Variants in ZFAT observed in about 807,000 individuals in gnomAD.
The protein encoded by ZFAT is zinc finger and AT-hook domain containing, also known as zinc finger protein ZFAT.
Under a neutral mutation model 117.7 loss-of-function variants are expected in ZFAT, and 64 were observed. The observed-to-expected ratio is 0.54, with a 90% CI of 0.44 to 0.67. ZFAT has a LOEUF of 0.67. Ranked by LOEUF, ZFAT falls within the 30% of genes least tolerant of loss-of-function variation. The pLI is 0.00. For synonymous variants in ZFAT, 679 were observed against 615.0 expected (o/e 1.10, Z -1.54); for missense variants, 1,433 against 1,584.5 (o/e 0.90, Z 1.62).
intron 11 of ZFAT, among the ~76,000 whole-genome samples, chr8:134,549,270 T>C (rs1822947188): frequency 6.6e-6 from 1 of 151,610 alleles, no homozygotes; most frequent in South Asian, 2.1e-4. Context: ...TGAAACCCCG[T>C]TTCTACTAAA....
chr8:134,762,775 C>G, the ZFAT span, among the ~76,000 whole-genome samples: 3 of 152,160 alleles, frequency 2.0e-5, no homozygotes, highest in Non-Finnish European at 4.4e-5. Flanking sequence ...CCTTTTTGAA[C>G]CTAACATGTC....
At chr8:134,635,962 G>T (rs866070993) in intron 3 of ZFAT, among the ~76,000 whole-genome samples, 2 of 152,124 alleles carry the variant, frequency 1.3e-5, no homozygotes, top group African/African-American at 4.8e-5. Flanking sequence ...GATCCTCATG[G>T]GTTATTTTCA....
the ZFAT span, among the ~76,000 whole-genome samples, chr8:134,811,378 T>G: frequency 2.0e-5 from 3 of 152,278 alleles, no homozygotes; most frequent in South Asian, 6.2e-4. Flanking sequence ...GGCAACAAAA[T>G]TTGGAATATA....
intron 15 of ZFAT, among the ~76,000 whole-genome samples, chr8:134,495,163 T>C (rs1315048025): frequency 2.0e-5 from 3 of 152,150 alleles, no homozygotes; most frequent in Non-Finnish European, 2.9e-5. Context: ...GCAGCACAGG[T>C]TGAGTGACTT....
intron 8 of ZFAT, among the ~76,000 whole-genome samples, chr8:134,589,966 C>T (rs893981085): frequency 6.6e-6 from 1 of 152,210 alleles, no homozygotes; most frequent in African/African-American, 2.4e-5. Flanking sequence ...CTTATGACAA[C>T]AGCCCTGCCT....
chr8:134,789,561 C>A, the ZFAT span, among the ~76,000 whole-genome samples: 1 of 152,134 alleles, frequency 6.6e-6, no homozygotes, highest in African/African-American at 2.4e-5. Flanking sequence ...TTGTTTCTTG[C>A]CCATTCTTCC....
At chr8:134,517,596 T>C (rs140286308) in intron 13 of ZFAT, among the ~76,000 whole-genome samples, 187 of 152,332 alleles carry the variant, frequency 1.2e-3, no homozygotes, top group African/African-American at 4.3e-3. Flanking sequence ...TATTACTAAT[T>C]AAACAATAGG....
the ZFAT span, among the ~76,000 whole-genome samples, chr8:134,753,163 T>C: frequency 6.6e-6 from 1 of 152,050 alleles, no homozygotes; most frequent in South Asian, 2.1e-4. Context: ...ATCGCACCAC[T>C]GCACTCCAAC....
chr8:134,808,496 C>T, the ZFAT span, among the ~76,000 whole-genome samples: 3 of 152,190 alleles, frequency 2.0e-5, no homozygotes, highest in East Asian at 5.8e-4. Flanking sequence ...CTAGGAACAA[C>T]CAAGTACCTG....
chr8:134,740,935 T>C, the ZFAT span, among the ~76,000 whole-genome samples: 1 of 152,202 alleles, frequency 6.6e-6, no homozygotes, highest in South Asian at 2.1e-4. Context: ...TTTGAATATG[T>C]TTTTGAGAGC....
At chr8:134,629,706 T>C (rs1174461440) in intron 3 of ZFAT, among the ~76,000 whole-genome samples, 3 of 152,222 alleles carry the variant, frequency 2.0e-5, no homozygotes, top group Admixed American at 2.0e-4. Flanking sequence ...CCCCTTCAAC[T>C]TCTGCAATGA....
At position 134,520,925 on chromosome 8, in the gene ZFAT, A is replaced by G. The variant is rs748995436; in HGVS notation, c.3192T>C (p.His1064=). The change falls in exon 13 of 16, where the codon CAT becomes CAC. Residue 1064 remains histidine (H), a synonymous_variant. Coordinates refer to ENST00000377838, the MANE Select transcript of ZFAT (RefSeq NM_020863.4). The part of the protein sequence containing the change: ...WEFNRHLKNK[H]GLKVVEIDGD... ...CATCAATTTCCACCACCTTCAAGCC[A>G]TGTTTGTTCTTCAAGTGCCTATTGA... is the stretch of plus-strand genomic sequence containing the variant. 6.2e-7 allele frequency: 1 copy of G among 1,613,896 alleles called. No homozygotes were observed. Among genetic ancestry groups the G allele is most frequent in the Non-Finnish European group, 8.5e-7 (1 of 1,179,836 alleles).
At chr8:134,579,351 G>T (rs1825552523) in intron 10 of ZFAT, among the ~76,000 whole-genome samples, 1 of 152,216 alleles carries the variant, frequency 6.6e-6, no homozygotes, top group African/African-American at 2.4e-5. Flanking sequence ...ATGTAGCTGG[G>T]GAGGCCTCAC....
chr8:134,655,532 C>G (rs1011958838), intron 2 of ZFAT, among the ~76,000 whole-genome samples: 2 of 151,860 alleles, frequency 1.3e-5, no homozygotes, highest in Non-Finnish European at 2.9e-5. Context: ...CCTGTAGTCA[C>G]AGCTACTCAG....
intron 3 of ZFAT, among the ~76,000 whole-genome samples, chr8:134,634,375 ACTTT>A (rs1830078165): frequency 6.6e-6 from 1 of 152,240 alleles, no homozygotes; most frequent in South Asian, 2.1e-4. Flanking sequence ...GAATATTTTC[ACTTT>A]CTTAGTATTT....
rs1461429447 is a variant in ZFAT, at chr8:134,670,690, G to T, written c.20-12953C>A. 2.2e-4 allele frequency among the ~76,000 whole-genome samples: 33 copies of T among 152,284 alleles called. No individual in the cohort carries two copies. In the East Asian group the frequency reaches 6.0e-3, roughly 28 times the overall value. On this transcript the variant is annotated intron_variant, in intron 1 of 15. Transcript: ENST00000377838. The stretch of plus-strand genomic sequence containing the variant: ...TGACACCCTAACGTCACAATTAAAA[G>T]AACTAAAGAAGCAAGAGCAAACACA...
At chr8:134,500,317 C>G (rs963973762) in intron 15 of ZFAT, among the ~76,000 whole-genome samples, 5 of 152,168 alleles carry the variant, frequency 3.3e-5, no homozygotes, top group Non-Finnish European at 5.9e-5. Context: ...ATAGCACCAA[C>G]CAAGGCTGTA....
intron 14 of ZFAT, 144 bp downstream of exon 14, chr8:134,512,331 T>A: frequency 8.1e-7 from 1 of 1,229,316 alleles, no homozygotes; most frequent in South Asian, 1.5e-5. Flanking sequence ...GGGCTGGCAA[T>A]GGGGCTGCTT....
the ZFAT span, among the ~76,000 whole-genome samples, chr8:134,820,878 G>C: frequency 6.6e-6 from 1 of 152,154 alleles, no homozygotes; most frequent in African/African-American, 2.4e-5. Flanking sequence ...TAAACACAAG[G>C]ATAGAGACTG....
Sources: allele counts gnomAD v4.1 joint callset (sites outside exome capture counted in the v4.1 genomes callset), GRCh38; gene constraint gnomAD v4.1.1; transcripts MANE v1.5; gene names NCBI Gene and HGNC (gene_info 2026-07-23, HGNC 2026-07-21).